Variants in STON1 observed in about 807,000 individuals in gnomAD.
STON1 encodes stonin 1.
A neutral mutation model predicts 60.9 loss-of-function variants in STON1; 79 were observed. That is an observed-to-expected ratio of 1.30 (90% confidence interval 1.08 to 1.56). The LOEUF (loss-of-function observed/expected upper bound fraction) is 1.56, where lower values mean the gene tolerates loss of function less well. Among genes scored for constraint, STON1 ranks in the 40% most tolerant of loss-of-function variants. The probability of loss-of-function intolerance (pLI) is 0.00; values close to 1 mark genes in which losing one functional copy is unlikely to be tolerated. For missense variants in STON1, 1,166 were observed against 858.9 expected, an observed-to-expected ratio of 1.36 and a Z score of -4.47; for synonymous variants, 363 against 306.9, an observed-to-expected ratio of 1.18 and a Z score of -1.91.
chr2:48,555,072 A>G (rs1429502483), intron 1 of STON1, among the ~76,000 whole-genome samples: 10 of 61,546 alleles, frequency 1.6e-4, no homozygotes, highest in Non-Finnish European at 2.5e-4. Context: ...GGATCCCAAG[A>G]CAGAGGAATT....
chr2:48,543,939 C>T (rs1671759660), intron 1 of STON1, among the ~76,000 whole-genome samples: 1 of 152,060 alleles, frequency 6.6e-6, no homozygotes, highest in South Asian at 2.1e-4. Context: ...ATGAAGTCCC[C>T]AAGTGATTGA....
chr2:48,583,239 C>G (rs925098045), intron 2 of STON1, among the ~76,000 whole-genome samples: 12 of 152,140 alleles, frequency 7.9e-5, no homozygotes, highest in Non-Finnish European at 1.8e-4. Context: ...CAGATGCATA[C>G]CATCGTGCCT....
At chr2:48,557,517 A>C (rs1672430552) in intron 1 of STON1, among the ~76,000 whole-genome samples, 1 of 109,980 alleles carries the variant, frequency 9.1e-6, no homozygotes. Flanking sequence ...GACACTCCTC[A>C]CTTCCCAGAC....
chr2:48,543,601 G>A (rs1354561105), intron 1 of STON1, among the ~76,000 whole-genome samples: 5 of 145,094 alleles, frequency 3.4e-5, no homozygotes, highest in Non-Finnish European at 7.5e-5. Context: ...GTGGGATCTC[G>A]GCTCACTGCA....
Position 48,540,602 on chromosome 2 carries a change from G to T in STON1, c.-48+10386G>T, listed in dbSNP as rs555941143. 6.6e-5 allele frequency among the ~76,000 whole-genome samples: 10 copies of T among 152,166 alleles called. No individual in the cohort carries two copies. In the South Asian group the frequency reaches 1.9e-3, roughly 28 times the overall value. On this transcript the variant is annotated intron_variant, in intron 1 of 3. Transcript: ENST00000404752. ...ACACATCCGCTTATCTGTATCTTTC[G>T]CAGTATTCTTTATAGTAAACCAGTA... is the stretch of plus-strand genomic sequence containing the variant.
At chr2:48,572,489 C>T (rs1039194300) in intron 1 of STON1, among the ~76,000 whole-genome samples, 2 of 152,054 alleles carry the variant, frequency 1.3e-5, no homozygotes, top group Non-Finnish European at 2.9e-5. Flanking sequence ...GTAAGGTTTG[C>T]TTTTAAAAAA....
At chr2:48,558,694 C>A (rs1052979506) in intron 1 of STON1, among the ~76,000 whole-genome samples, 1 of 152,148 alleles carries the variant, frequency 6.6e-6, no homozygotes, top group Non-Finnish European at 1.5e-5. Flanking sequence ...GGTATAGTGG[C>A]AAAGGGCTTG....
intron 1 of STON1, among the ~76,000 whole-genome samples, chr2:48,543,161 G>A (rs1013193306): frequency 2.0e-5 from 3 of 151,926 alleles, no homozygotes; most frequent in Non-Finnish European, 2.9e-5. Context: ...TTCTAGTAGA[G>A]ATGGGGTTTC....
chr2:48,565,355 G>A (rs944950985), intron 1 of STON1, among the ~76,000 whole-genome samples: 2 of 152,044 alleles, frequency 1.3e-5, no homozygotes, highest in African/African-American at 2.4e-5. Context: ...CCCAGCCTCC[G>A]ACTTCTTATA....
At position 48,539,391 on chromosome 2, in the gene STON1, CT is replaced by C. The variant is rs546125069; in HGVS notation, c.-48+9176del. 1.2e-3 allele frequency among the ~76,000 whole-genome samples: 187 copies of C among 152,182 alleles called. No homozygotes were observed. In the Middle Eastern group the frequency reaches 0.014, roughly 11 times the overall value. Reference sequence around the variant, plus strand: ...TGTTTCTAGCTACTTGAATTCATGCCTAGCTTACTTTTTGTTTTTCAGTAAA... The same window carrying C: ...TGTTTCTAGCTACTTGAATTCATGCCAGCTTACTTTTTGTTTTTCAGTAAA... On this transcript the variant is annotated intron_variant, in intron 1 of 3. Transcript: ENST00000404752.
intron 1 of STON1, among the ~76,000 whole-genome samples, chr2:48,543,955 A>G (rs1009080344): frequency 6.6e-6 from 1 of 152,198 alleles, no homozygotes; most frequent in Non-Finnish European, 1.5e-5. Context: ...ATTGAGGAGT[A>G]GGTGGGGGTA....
At chr2:48,591,593 C>T in intron 2 of STON1, 60 bp from the exon 3 acceptor site, 1 of 1,583,258 alleles carries the variant, frequency 6.3e-7, no homozygotes, top group Non-Finnish European at 8.6e-7. Context: ...CTTTTATGTT[C>T]AAGAGAAATG....
Position 48,591,823 on chromosome 2 carries a change from C to T in STON1, c.2101C>T (p.His701Tyr). Residue 701 changes from histidine to tyrosine, a missense_variant, in exon 3 of 4, where the codon CAT becomes TAT. Physicochemically the swap from His to Tyr is moderately conservative, Grantham distance 83. Coordinates refer to ENST00000404752, the MANE Select transcript of STON1 (RefSeq NM_006873.4). ...GGAGAGTGATGTCCAGCCACAGAAA[C>T]ATGTTCAGCAGCGAGCTTGCTACAA... ...GVESDVQPQK[H>Y]VQQRACYNIQ... 6.2e-7 allele frequency: 1 copy of T among 1,614,158 alleles called. No individual in the cohort carries two copies. The highest frequency in any genetic ancestry group is 8.5e-7 in the Non-Finnish European group (1 of 1,180,024).
chr2:48,578,001 G>A (rs1185138726), intron 1 of STON1, among the ~76,000 whole-genome samples: 1 of 151,086 alleles, frequency 6.6e-6, no homozygotes, highest in Non-Finnish European at 1.5e-5. Context: ...TTTTTTTTGA[G>A]ACGGAGTTTT....
intron 1 of STON1, among the ~76,000 whole-genome samples, chr2:48,566,502 C>CA (rs1315678863): frequency 6.6e-6 from 1 of 151,536 alleles, no homozygotes; most frequent in African/African-American, 2.4e-5. Flanking sequence ...AGGCTGGTCT[C>CA]AATCTTCTGA....
intron 2 of STON1, among the ~76,000 whole-genome samples, chr2:48,587,226 C>T (rs1316620180): frequency 6.6e-6 from 1 of 152,200 alleles, no homozygotes; most frequent in Non-Finnish European, 1.5e-5. Flanking sequence ...AGAGATCATT[C>T]CTCCCTGCTC....
At chr2:48,544,658 G>A (rs1179531144) in intron 1 of STON1, among the ~76,000 whole-genome samples, 1 of 152,156 alleles carries the variant, frequency 6.6e-6, no homozygotes, top group Non-Finnish European at 1.5e-5. Flanking sequence ...CGATCCTCCT[G>A]CTTCAGCCTC....
chr2:48,533,517 T>TTA (rs1190118079), intron 1 of STON1, among the ~76,000 whole-genome samples: 21 of 151,674 alleles, frequency 1.4e-4, no homozygotes, highest in African/African-American at 4.8e-4. Context: ...GATGAAAACC[T>TTA]GTCTCTACTA....
At chr2:48,584,316 C>T (rs1363082361) in intron 2 of STON1, among the ~76,000 whole-genome samples, 1 of 151,974 alleles carries the variant, frequency 6.6e-6, no homozygotes. Context: ...CTCTGTTGCT[C>T]AGGCTGGAGT....
Sources: gnomAD v4.1 joint callset for allele counts (sites outside exome capture counted in the v4.1 genomes callset) on GRCh38, gnomAD v4.1.1 for gene constraint, MANE v1.5 for transcripts, NCBI Gene and HGNC (gene_info 2026-07-23, HGNC 2026-07-21) for gene names.